TBL1X: variants seen among roughly 807,000 people sequenced by gnomAD.
TBL1X encodes the protein transducin beta like 1 X-linked, also known as F-box-like/WD repeat-containing protein TBL1X.
TBL1X carries 10 observed loss-of-function variants against 50.7 expected under a neutral mutation model. That is an observed-to-expected ratio of 0.20 (90% confidence interval 0.12 to 0.33). The LOEUF (loss-of-function observed/expected upper bound fraction) is 0.33, where lower values mean the gene tolerates loss of function less well. Ranked by LOEUF, TBL1X falls within the 10% of genes least tolerant of loss-of-function variation. TBL1X has a pLI of 1.00. For missense variants in TBL1X, 340 were observed against 504.4 expected (o/e 0.67, Z 3.12); for synonymous variants, 190 against 214.7 (o/e 0.88, Z 1.01).
chrX:9,537,102 C>CA (rs1468169977), intron 2 of TBL1X, among the ~76,000 whole-genome samples: 4 of 111,741 alleles, frequency 3.6e-5, no homozygotes, highest in Non-Finnish European at 7.5e-5. Context: ...TAGCCAGTAT[C>CA]ACTGAGTGCT....
intron 2 of TBL1X, among the ~76,000 whole-genome samples, chrX:9,569,002 GTGTC>G (rs769166990): frequency 1.8e-5 from 2 of 109,497 alleles, no homozygotes; most frequent in East Asian, 2.9e-4. Context: ...TGCTGTGTGT[GTGTC>G]TGTGCAGTGT....
chrX:9,511,035 G>A (rs182638710), intron 2 of TBL1X, among the ~76,000 whole-genome samples: 4 of 112,256 alleles, frequency 3.6e-5, no homozygotes, highest in East Asian at 2.8e-4. Flanking sequence ...TCTTGCCACA[G>A]CAGCCAAGTT....
chrX:9,604,979 TCAGGGAAATGCTAAGCCAAGCAAA>T (rs1271727763), intron 2 of TBL1X, among the ~76,000 whole-genome samples: 2 of 111,305 alleles, frequency 1.8e-5, no homozygotes, highest in Admixed American at 1.9e-4. Context: ...GTGGCTCTTT[TCAGGGAAATGCTAAGCCAAGCAAA>T]CATCCACTCA....
intron 12 of TBL1X, among the ~76,000 whole-genome samples, chrX:9,698,583 G>C (rs926753697): frequency 1.7e-4 from 19 of 111,672 alleles, no homozygotes; most frequent in African/African-American, 3.6e-4. Context: ...TTTATTGGGG[G>C]TTGGCCGTGT....
chrX:9,533,650 C>T (rs1207817373), intron 2 of TBL1X, among the ~76,000 whole-genome samples: 4 of 110,909 alleles, frequency 3.6e-5, no homozygotes, highest in Non-Finnish European at 7.5e-5. Context: ...AGACAGCAGA[C>T]CCCAAGTAAA....
chrX:9,711,484 T>C (rs1344269035), intron 15 of TBL1X, 127 bp from the exon 16 acceptor site: 1 of 656,423 alleles, frequency 1.5e-6, no homozygotes, highest in Non-Finnish European at 2.1e-6. Context: ...ACAAAAAGCT[T>C]TTTAGTTATT....
At chrX:9,576,133 C>T in intron 2 of TBL1X, among the ~76,000 whole-genome samples, 1 of 112,069 alleles carries the variant, frequency 8.9e-6, no homozygotes, top group Non-Finnish European at 1.9e-5. Context: ...CCCCCTCCTC[C>T]CAAAGTGTAG....
chrX:9,526,155 GGA>G lies in TBL1X; in HGVS notation c.-131+24317_-131+24318del, dbSNP rs1258445152. On this transcript the variant is annotated intron_variant, in intron 2 of 17. Transcript: ENST00000645353. ...AGAGAGGAGAGACGGGCGGGGGAGG[GGA>G]GAGAGAGAGAAAAGAGAGAGAGAGA... is the stretch of plus-strand genomic sequence containing the variant. Among the ~76,000 whole-genome samples the G allele has an allele frequency of 1.3e-4, 14 of 105,890 alleles. No homozygotes were observed. The East Asian group carries it at 1.8e-3, about 14-fold the overall frequency. 92.0% of individuals were successfully genotyped at this position (105,890 alleles called of 115,157 possible). A position where few individuals can be genotyped will look rare whatever the true frequency, so the allele number is the denominator to read the frequency against.
At chrX:9,522,815 C>T (rs1413530635) in intron 2 of TBL1X, among the ~76,000 whole-genome samples, 1 of 111,773 alleles carries the variant, frequency 8.9e-6, no homozygotes, top group Admixed American at 9.5e-5. Flanking sequence ...AGGCTCCCAC[C>T]TTTGAATGGA....
At chrX:9,496,138 G>A (rs973261904) in intron 1 of TBL1X, among the ~76,000 whole-genome samples, 1 of 112,399 alleles carries the variant, frequency 8.9e-6, no homozygotes, top group South Asian at 3.6e-4. Context: ...CAGTGTGTCC[G>A]TTTGGCCCTC....
Position 9,644,044 on chromosome X carries a change from A to C in TBL1X, c.-43+3684A>C, listed in dbSNP as rs183957179. ...GCTGACTCCATCTACTGCCAGAAAGAGACTCATCATGGTCAAATTAAATTC... is the reference window on the plus strand; with the variant it reads ...GCTGACTCCATCTACTGCCAGAAAGCGACTCATCATGGTCAAATTAAATTC... On this transcript the variant is annotated intron_variant, in intron 3 of 17. Transcript: ENST00000645353. Among the ~76,000 whole-genome samples the C allele has an allele frequency of 3.0e-3, 338 of 112,160 alleles. 1 individual carries two copies. Among genetic ancestry groups the C allele is most frequent in the African/African-American group, 0.011 (324 of 30,839 alleles).
At chrX:9,674,682 C>G (rs61130351) in intron 5 of TBL1X, among the ~76,000 whole-genome samples, 23 of 7,429 alleles carry the variant, frequency 3.1e-3, no homozygotes, top group East Asian at 0.012. Flanking sequence ...CCGCCTCAGC[C>G]CCCCCCCCCC....
chrX:9,506,554 C>G (rs1165712674), intron 2 of TBL1X, among the ~76,000 whole-genome samples: 1 of 111,043 alleles, frequency 9.0e-6, no homozygotes, highest in Non-Finnish European at 1.9e-5. Flanking sequence ...AGACTGCTAG[C>G]TAGACTAATA....
chrX:9,598,941 T>G (rs1371758303), intron 2 of TBL1X, among the ~76,000 whole-genome samples: 1 of 109,762 alleles, frequency 9.1e-6, no homozygotes, highest in Non-Finnish European at 1.9e-5. Context: ...TTTGTTTTGT[T>G]TTGTTTTTTG....
chrX:9,620,228 G>A (rs1291414423), intron 2 of TBL1X, among the ~76,000 whole-genome samples: 3 of 112,363 alleles, frequency 2.7e-5, no homozygotes, highest in South Asian at 3.7e-4. Context: ...GAGTCCTCAC[G>A]AAGGAAAATG....
At chrX:9,681,069 T>G (rs761290825) in intron 5 of TBL1X, among the ~76,000 whole-genome samples, 5 of 112,118 alleles carry the variant, frequency 4.5e-5, no homozygotes, top group African/African-American at 6.5e-5. Flanking sequence ...TGTAGAGAGA[T>G]AAAGTTATAC....
At chrX:9,646,456 A>G (rs1371307232) in intron 3 of TBL1X, among the ~76,000 whole-genome samples, 1 of 112,536 alleles carries the variant, frequency 8.9e-6, no homozygotes, top group Non-Finnish European at 1.9e-5. Flanking sequence ...GTGAAATGAA[A>G]ATAAACTCAG....
At chrX:9,601,298 G>C (rs2082555331) in intron 2 of TBL1X, among the ~76,000 whole-genome samples, 1 of 111,174 alleles carries the variant, frequency 9.0e-6, no homozygotes, top group Non-Finnish European at 1.9e-5. Flanking sequence ...CTTCAGGAAG[G>C]GGTTTTGGGG....
At chrX:9,557,838 G>T (rs2082307881) in intron 2 of TBL1X, among the ~76,000 whole-genome samples, 1 of 111,956 alleles carries the variant, frequency 8.9e-6, no homozygotes, top group Admixed American at 9.5e-5. Context: ...TGGGCGTGGA[G>T]AACCCGCTTA....
Sources: gnomAD v4.1 joint callset for allele counts (sites outside exome capture counted in the v4.1 genomes callset) on GRCh38, gnomAD v4.1.1 for gene constraint, MANE v1.5 for transcripts, NCBI Gene and HGNC (gene_info 2026-07-23, HGNC 2026-07-21) for gene names.